PEX13: variants seen among roughly 807,000 people sequenced by gnomAD.
The protein encoded by PEX13 is peroxisome biogenesis factor 13.
PEX13 carries 28 observed loss-of-function variants against 34.5 expected under a neutral mutation model. That is an observed-to-expected ratio of 0.81 (90% CI 0.60 to 1.11). PEX13 has a LOEUF of 1.11. PEX13 is among the 50% of genes most tolerant of loss of function. The pLI is 0.00. For missense variants in PEX13, 550 were observed against 491.0 expected (o/e 1.12, Z -1.13); for synonymous variants, 177 against 175.1 (o/e 1.01, Z -0.09).
At chr2:61,037,029 GC>G (rs1680547586) in intron 2 of PEX13, among the ~76,000 whole-genome samples, 1 of 152,006 alleles carries the variant, frequency 6.6e-6, no homozygotes, top group Non-Finnish European at 1.5e-5. Context: ...AAGAGACAAG[GC>G]CATTACATAA....
intron 2 of PEX13, among the ~76,000 whole-genome samples, chr2:61,038,755 G>A (rs1230176354): frequency 6.6e-6 from 1 of 152,162 alleles, no homozygotes; most frequent in Non-Finnish European, 1.5e-5. Context: ...GTTCTGGCTA[G>A]GGCAGTCAGG....
Position 61,032,012 on chromosome 2 carries a change from C to T in PEX13, c.686C>T (p.Thr229Ile). ...CTTGGTGCTGAGGACCGAGCAGCTACCTCAGCAAAATCTTGGCCAATATTC... is the reference window on the plus strand; with the variant it reads ...CTTGGTGCTGAGGACCGAGCAGCTATCTCAGCAAAATCTTGGCCAATATTC... ...ACLGAEDRAA[T>I]SAKSWPIFLF... Residue 229 changes from threonine to isoleucine, a missense_variant, in exon 2 of 4, where the codon ACC (threonine) becomes ATC (isoleucine). Physicochemically the swap from Thr to Ile is moderately conservative, Grantham distance 89 (BLOSUM62 -1). Transcript: ENST00000295030. 1.4e-5 allele frequency: 22 copies of T among 1,613,586 alleles called. No individual in the cohort carries two copies. Among genetic ancestry groups the T allele is most frequent in the Non-Finnish European group, 1.9e-5 (22 of 1,179,642 alleles).
intron 1 of PEX13, among the ~76,000 whole-genome samples, chr2:61,028,642 C>A (rs966579951): frequency 4.0e-5 from 6 of 151,380 alleles, no homozygotes; most frequent in African/African-American, 1.5e-4. Flanking sequence ...CTGCCTCAGC[C>A]TCCCAAAGTG....
At chr2:61,023,959 G>C (rs1389887333) in intron 1 of PEX13, among the ~76,000 whole-genome samples, 6 of 151,944 alleles carry the variant, frequency 3.9e-5, no homozygotes, top group Non-Finnish European at 8.8e-5. Context: ...ACAACGCCCA[G>C]CTAATTTTTG....
chr2:61,040,781 A>G (rs1030504044), intron 2 of PEX13, among the ~76,000 whole-genome samples: 5 of 148,164 alleles, frequency 3.4e-5, no homozygotes, highest in African/African-American at 4.9e-5. Context: ...ATATACCTAT[A>G]TATTAAAGTA....
chr2:61,044,958 A>G (rs1680683696), intron 2 of PEX13, among the ~76,000 whole-genome samples: 2 of 152,240 alleles, frequency 1.3e-5, no homozygotes, highest in African/African-American at 4.8e-5. Context: ...GGAAATTTCC[A>G]TATTTCAAAA....
chr2:61,019,645 G>A (rs916925879), intron 1 of PEX13, among the ~76,000 whole-genome samples: 4 of 151,952 alleles, frequency 2.6e-5, no homozygotes, highest in African/African-American at 4.8e-5. Context: ...TTATTGAGTA[G>A]TCTATTCTTA....
intron 1 of PEX13, among the ~76,000 whole-genome samples, chr2:61,023,402 G>C (rs966602582): frequency 4.8e-5 from 7 of 146,782 alleles, no homozygotes; most frequent in Non-Finnish European, 1.1e-4. Flanking sequence ...GGAATATACA[G>C]ACACACACAC....
chr2:61,037,951 C>G (rs574784665), intron 2 of PEX13, among the ~76,000 whole-genome samples: 1 of 152,156 alleles, frequency 6.6e-6, no homozygotes, highest in South Asian at 2.1e-4. Context: ...GAAATACAAA[C>G]TACCATCAGA....
chr2:61,039,413 C>A (rs1309174569), intron 2 of PEX13, among the ~76,000 whole-genome samples: 1 of 152,078 alleles, frequency 6.6e-6, no homozygotes, highest in Non-Finnish European at 1.5e-5. Flanking sequence ...ACCAATGGAA[C>A]AGAACAGAGG....
intron 1 of PEX13, among the ~76,000 whole-genome samples, chr2:61,024,159 T>G (rs2104797811): frequency 6.6e-6 from 1 of 152,314 alleles, no homozygotes; most frequent in South Asian, 2.1e-4. Context: ...TCTGGTTGCT[T>G]TCAATATTTT....
chr2:61,033,129 G>T (rs549144356), intron 2 of PEX13, among the ~76,000 whole-genome samples: 22 of 152,296 alleles, frequency 1.4e-4, no homozygotes, highest in African/African-American at 5.1e-4. Flanking sequence ...AAGTCAGCAC[G>T]TTGTAATTAG....
In PEX13 at chr2:61,031,827, C is replaced by T; in HGVS notation, c.501C>T (p.His167=). 6.2e-7 allele frequency: 1 copy of T among 1,613,594 alleles called. No individual in the cohort carries two copies. The highest frequency in any genetic ancestry group is 1.1e-5 in the South Asian group (1 of 91,080). The change falls in exon 2 of 4, where the codon CAC becomes CAT. Residue 167 remains histidine (H), a synonymous_variant. Coordinates refer to ENST00000295030, the MANE Select transcript of PEX13 (RefSeq NM_002618.4). ...GGGCTGTATTGGATGTAGCAAATCACTTTTCCCGATTGAAAATACACTTTA... is the reference window on the plus strand; with the variant it reads ...GGGCTGTATTGGATGTAGCAAATCATTTTTCCCGATTGAAAATACACTTTA... ...SFRAVLDVAN[H]FSRLKIHFTK...
chr2:61,036,466 GC>G (rs1680537434), intron 2 of PEX13, among the ~76,000 whole-genome samples: 1 of 152,176 alleles, frequency 6.6e-6, no homozygotes, highest in Non-Finnish European at 1.5e-5. Flanking sequence ...GACAGTGGGA[GC>G]CAATATTCAA....
Position 61,017,753 on chromosome 2 carries a change from G to A in PEX13, c.-7G>A, listed in dbSNP as rs200847026. 75 of 1,548,836 alleles carry A rather than the reference G, an allele frequency of 4.8e-5. No homozygotes were observed. The East Asian group carries it at 1.5e-3, about 32-fold the overall frequency. ...GTAGGAGCGGGAGCCGAGAGGAGGC[G>A]GAGGAGATGGCGTCCCAGCCGCCAC... On this transcript the variant is annotated 5_prime_UTR_variant, in exon 1 of 4. Coordinates refer to ENST00000295030, the MANE Select transcript of PEX13 (RefSeq NM_002618.4).
At chr2:61,037,670 A>T (rs1340249750) in intron 2 of PEX13, among the ~76,000 whole-genome samples, 1 of 152,232 alleles carries the variant, frequency 6.6e-6, no homozygotes, top group Admixed American at 6.5e-5. Flanking sequence ...GAAAGATCTA[A>T]AATCAACACC....
intron 1 of PEX13, among the ~76,000 whole-genome samples, chr2:61,022,213 G>A (rs549545904): frequency 1.3e-3 from 199 of 152,250 alleles, no homozygotes; most frequent in Middle Eastern, 6.8e-3. Flanking sequence ...TCAGAAGGTC[G>A]GCAATAACAA....
At chr2:61,033,327 A>C (rs1027132289) in intron 2 of PEX13, among the ~76,000 whole-genome samples, 5 of 152,168 alleles carry the variant, frequency 3.3e-5, no homozygotes, top group African/African-American at 9.7e-5. Context: ...CAGGATTCAT[A>C]TAATAGATTC....
chr2:61,032,780 C>T (rs2104804179), intron 2 of PEX13, among the ~76,000 whole-genome samples: 1 of 152,220 alleles, frequency 6.6e-6, no homozygotes, highest in East Asian at 1.9e-4. Flanking sequence ...GAAATGGCAT[C>T]TAAGTTAGAT....
Sources: allele counts gnomAD v4.1 joint callset (sites outside exome capture counted in the v4.1 genomes callset), GRCh38; gene constraint gnomAD v4.1.1; transcripts MANE v1.5; gene names NCBI Gene and HGNC (gene_info 2026-07-23, HGNC 2026-07-21).